The following FBXO10 variants were observed in gnomAD, a reference collection of about 807,000 sequenced individuals.
The protein encoded by FBXO10 is F-box only protein 10.
Under a neutral mutation model 80.7 loss-of-function variants are expected in FBXO10, and 39 were observed. The observed-to-expected ratio is 0.48, with a 90% CI of 0.37 to 0.63. The LOEUF is 0.63. Among genes scored for constraint, FBXO10 ranks in the 30% least tolerant of loss-of-function variants. The pLI, the probability that FBXO10 is intolerant of heterozygous loss-of-function variation, is 0.00. For synonymous variants in FBXO10, 449 were observed against 489.6 expected, an observed-to-expected ratio of 0.92 and a Z score of 1.09; for missense variants, 1,025 against 1,269.0, an observed-to-expected ratio of 0.81 and a Z score of 2.92.
chr9:37,515,715 G>A, intron 10 of FBXO10, 189 bp downstream of exon 10: 1 of 577,192 alleles, frequency 1.7e-6, no homozygotes. Context: ...TAAAAAGCTT[G>A]TTCCCTCCTG....
intron 1 of FBXO10, among the ~76,000 whole-genome samples, chr9:37,557,719 CACATGGTTTACATTT>C (rs1822372647): frequency 6.6e-6 from 1 of 152,204 alleles, no homozygotes; most frequent in African/African-American, 2.4e-5. Flanking sequence ...ACTATGTCCC[CACATGGTTTACATTT>C]ATCTTTCTAC....
chr9:37,534,397 C>T (rs1255798150), intron 3 of FBXO10, among the ~76,000 whole-genome samples: 1 of 152,108 alleles, frequency 6.6e-6, no homozygotes, highest in African/African-American at 2.4e-5. Flanking sequence ...CCTTTCGGAG[C>T]GTGCAGTGAG....
chr9:37,529,345 G>T, intron 4 of FBXO10, 85 bp from the exon 5 acceptor site: 6 of 1,460,464 alleles, frequency 4.1e-6, no homozygotes, highest in Non-Finnish European at 5.6e-6. Context: ...CACCTCCGCG[G>T]CAGGATGAAC....
chr9:37,567,372 T>C (rs1242555645), intron 1 of FBXO10, among the ~76,000 whole-genome samples: 2 of 151,774 alleles, frequency 1.3e-5, no homozygotes, highest in South Asian at 2.1e-4. Flanking sequence ...CTCAAAGTCC[T>C]GGGCTCAAGC....
rs1821936136 is a variant in FBXO10, at chr9:37,542,151, C to T, written c.-6-377G>A. 5.3e-5 allele frequency among the ~76,000 whole-genome samples: 8 copies of T among 151,858 alleles called. No individual in the cohort carries two copies. The South Asian group carries it at 1.7e-3, about 32-fold the overall frequency. On this transcript the variant is annotated intron_variant, in intron 1 of 10. Transcript: ENST00000432825. ...GCCTCCAGTCCCTTTCTTAAAATACCCCCTGCCATCTCCTGAGCCCAAGGG... is the reference window on the plus strand; with the variant it reads ...GCCTCCAGTCCCTTTCTTAAAATACTCCCTGCCATCTCCTGAGCCCAAGGG...
chr9:37,513,005 GC>G (rs1237267431), intron 10 of FBXO10, among the ~76,000 whole-genome samples: 1 of 152,214 alleles, frequency 6.6e-6, no homozygotes, highest in African/African-American at 2.4e-5. Flanking sequence ...ACACTCTGTT[GC>G]CCAGGCTGGG....
intron 1 of FBXO10, among the ~76,000 whole-genome samples, chr9:37,543,065 C>A (rs1003348591): frequency 7.9e-5 from 12 of 152,200 alleles, no homozygotes; most frequent in Non-Finnish European, 1.3e-4. Context: ...TGTTTCCCCA[C>A]GTGGGGCAGC....
chr9:37,573,849 T>C (rs1477376836), intron 1 of FBXO10, among the ~76,000 whole-genome samples: 2 of 150,596 alleles, frequency 1.3e-5, no homozygotes, highest in Non-Finnish European at 2.9e-5. Context: ...GTATCAAACA[T>C]TTTAGACGAG....
chr9:37,574,907 T>C (rs1822853606), intron 1 of FBXO10, among the ~76,000 whole-genome samples: 1 of 152,182 alleles, frequency 6.6e-6, no homozygotes, highest in Admixed American at 6.5e-5. Flanking sequence ...AGGGGTTCCA[T>C]ATAGCTGCTG....
At chr9:37,570,850 T>C (rs1163565835) in intron 1 of FBXO10, among the ~76,000 whole-genome samples, 1 of 151,918 alleles carries the variant, frequency 6.6e-6, no homozygotes, top group Non-Finnish European at 1.5e-5. Context: ...AAAAATTAGC[T>C]GGGCGTGGTG....
chr9:37,540,969 A>C (rs1384309625), intron 2 of FBXO10, among the ~76,000 whole-genome samples: 2 of 152,246 alleles, frequency 1.3e-5, no homozygotes, highest in African/African-American at 4.8e-5. Context: ...AGCCCAAGCC[A>C]TTTTTAAATA....
intron 1 of FBXO10, among the ~76,000 whole-genome samples, chr9:37,563,313 C>T (rs1822526589): frequency 6.6e-6 from 1 of 152,140 alleles, no homozygotes; most frequent in East Asian, 1.9e-4. Flanking sequence ...TGAGAACAGA[C>T]TAATACAGTA....
At chr9:37,513,778 T>A (rs1588816441) in intron 10 of FBXO10, among the ~76,000 whole-genome samples, 1 of 152,022 alleles carries the variant, frequency 6.6e-6, no homozygotes, top group African/African-American at 2.4e-5. Context: ...TTAGTAGAGA[T>A]GGGGTTTCAC....
At chr9:37,567,988 C>T (rs1822651456) in intron 1 of FBXO10, among the ~76,000 whole-genome samples, 1 of 152,142 alleles carries the variant, frequency 6.6e-6, no homozygotes, top group South Asian at 2.1e-4. Flanking sequence ...ATCCCCCATC[C>T]TCTTGCAAGG....
At chr9:37,548,298 T>G (rs1822108272) in intron 1 of FBXO10, among the ~76,000 whole-genome samples, 1 of 151,886 alleles carries the variant, frequency 6.6e-6, no homozygotes, top group Non-Finnish European at 1.5e-5. Flanking sequence ...GGCAGGAGAA[T>G]CACTTGAACC....
intron 8 of FBXO10, among the ~76,000 whole-genome samples, chr9:37,519,662 G>A (rs1476191541): frequency 6.6e-6 from 1 of 152,150 alleles, no homozygotes; most frequent in Non-Finnish European, 1.5e-5. Context: ...TTTGCCTGTC[G>A]TACCGGACAG....
chr9:37,565,766 T>C (rs1822588653), intron 1 of FBXO10, among the ~76,000 whole-genome samples: 1 of 152,232 alleles, frequency 6.6e-6, no homozygotes, highest in East Asian at 1.9e-4. Flanking sequence ...CCAGAGACTC[T>C]TGTTTTTAAC....
chr9:37,565,575 G>A (rs1028485548), intron 1 of FBXO10, among the ~76,000 whole-genome samples: 1 of 152,172 alleles, frequency 6.6e-6, no homozygotes, highest in Non-Finnish European at 1.5e-5. Context: ...GTACCTCCTG[G>A]ATCAGATTTG....
At chr9:37,527,235 T>C (rs933002117) in intron 5 of FBXO10, among the ~76,000 whole-genome samples, 1 of 152,156 alleles carries the variant, frequency 6.6e-6, no homozygotes, top group African/African-American at 2.4e-5. Flanking sequence ...CAAAATAACC[T>C]CCTTTCATCT....
Sources: allele counts gnomAD v4.1 joint callset (sites outside exome capture counted in the v4.1 genomes callset), GRCh38; gene constraint gnomAD v4.1.1; transcripts MANE v1.5; gene names NCBI Gene and HGNC (gene_info 2026-07-23, HGNC 2026-07-21).